Variants in MMAA observed in about 807,000 individuals in gnomAD.
MMAA encodes the protein metabolism of cobalamin associated A, also known as methylmalonic aciduria type A protein, mitochondrial.
Under a neutral mutation model 45.0 loss-of-function variants are expected in MMAA, and 41 were observed. The ratio of observed to expected loss-of-function variants is 0.91; its 90% CI spans 0.71 to 1.18. MMAA has a LOEUF of 1.18. Among genes scored for constraint, MMAA ranks in the 50% most tolerant of loss-of-function variants. The probability of loss-of-function intolerance (pLI) is 0.00; values close to 1 mark genes in which losing one functional copy is unlikely to be tolerated. For synonymous variants in MMAA, 154 were observed against 178.2 expected, an observed-to-expected ratio of 0.86 and a Z score of 1.08; for missense variants, 460 against 495.7, an observed-to-expected ratio of 0.93 and a Z score of 0.68.
At chr4:145,626,855 C>T (rs889706989) in intron 1 of MMAA, among the ~76,000 whole-genome samples, 1 of 152,110 alleles carries the variant, frequency 6.6e-6, no homozygotes. Flanking sequence ...TTCAGATGCT[C>T]CAAAGAGTTG....
Position 145,655,645 on chromosome 4 carries a change from T to C in MMAA, c.*211T>C. On this transcript the variant is annotated 3_prime_UTR_variant, in exon 7 of 7. Coordinates refer to ENST00000649156, the MANE Select transcript of MMAA (RefSeq NM_172250.3). Reference sequence around the variant, plus strand: ...GTACCTGTTTTATGTTACTGATATCTGTTTCCTTCTCTTCTTATACCCTGG... The same window carrying C: ...GTACCTGTTTTATGTTACTGATATCCGTTTCCTTCTCTTCTTATACCCTGG... 2 of 496,748 alleles carry C rather than the reference T, an allele frequency of 4.0e-6. No individual in the cohort carries two copies. Among genetic ancestry groups the C allele is most frequent in the South Asian group, 5.9e-5 (2 of 34,022 alleles). The allele number at this position is 496,748 out of a possible 1,614,324, so 30.8% of individuals were successfully genotyped here. A position where few individuals can be genotyped will look rare whatever the true frequency, so the allele number is the denominator to read the frequency against.
At chr4:145,645,361 T>G (rs1727898607) in intron 3 of MMAA, among the ~76,000 whole-genome samples, 1 of 152,222 alleles carries the variant, frequency 6.6e-6, no homozygotes, top group South Asian at 2.1e-4. Flanking sequence ...GGACTTTTAC[T>G]GATCTTTATA....
rs1728272653 is a variant in MMAA, at chr4:145,657,701, A to G, written c.*2267A>G. 6.6e-6 allele frequency: 1 copy of G among 152,266 alleles called. No individual in the cohort carries two copies. The highest frequency in any genetic ancestry group is 2.1e-4 in the South Asian group (1 of 4,828). The allele number at this position is 152,266 out of a possible 1,614,324, so 9.4% of individuals were successfully genotyped here. On this transcript the variant is annotated 3_prime_UTR_variant, in exon 7 of 7. Coordinates refer to ENST00000649156, the MANE Select transcript of MMAA (RefSeq NM_172250.3). ...TTGTGACAGTTCTTTGTTCTACAAA[A>G]CAGACTAATATTAATTTCAGATTGG...
Position 145,624,876 on chromosome 4 carries a change from G to T in MMAA, c.-66+5469G>T, listed in dbSNP as rs559384847. On this transcript the variant is annotated intron_variant, in intron 1 of 6. Coordinates refer to ENST00000649156, the MANE Select transcript of MMAA (RefSeq NM_172250.3). The stretch of plus-strand genomic sequence containing the variant: ...AAGCCAATCCTCTGTAACCATGCTG[G>T]GGGTGTACAATGGTTTCTTGGCCCC... 49 of 1,607,394 alleles carry T rather than the reference G, an allele frequency of 3.0e-5. 1 individual carries two copies. In the South Asian group the frequency reaches 3.8e-4, roughly 13 times the overall value.
At chr4:145,653,964 G>A (rs1354308455) in intron 5 of MMAA, 30 bp from the exon 6 acceptor site, 1 of 1,612,872 alleles carries the variant, frequency 6.2e-7, no homozygotes, top group South Asian at 1.1e-5. Context: ...TTTTATGTTG[G>A]TTGTCATTAA....
intron 1 of MMAA, chr4:145,625,789 C>T (rs1477521690): frequency 7.6e-6 from 9 of 1,179,936 alleles, no homozygotes; most frequent in Non-Finnish European, 1.0e-5. Flanking sequence ...TGAATTGTCT[C>T]CTCTTTAAGC....
chr4:145,627,078 G>T (rs867712631), intron 1 of MMAA, among the ~76,000 whole-genome samples: 8 of 152,192 alleles, frequency 5.3e-5, no homozygotes, highest in African/African-American at 1.9e-4. Context: ...GATAAAACCT[G>T]CAGTATAAAT....
In MMAA at chr4:145,630,784, C is replaced by T. The variant is rs376239912; in HGVS notation, c.-65-8291C>T. 1.1e-4 allele frequency among the ~76,000 whole-genome samples: 17 copies of T among 152,190 alleles called. No individual in the cohort carries two copies. In the East Asian group the frequency reaches 1.9e-3, roughly 17 times the overall value. ...TTTTTCTTCTTTTTTAATGTAGGCACGTATAGCTATAAACTTCCCTCTTAG... is the reference window on the plus strand; with the variant it reads ...TTTTTCTTCTTTTTTAATGTAGGCATGTATAGCTATAAACTTCCCTCTTAG... On this transcript the variant is annotated intron_variant, in intron 1 of 6. Coordinates refer to ENST00000649156, the MANE Select transcript of MMAA (RefSeq NM_172250.3).
chr4:145,639,672 T>C, intron 2 of MMAA, 94 bp downstream of exon 2: 1 of 1,477,824 alleles, frequency 6.8e-7, no homozygotes, highest in South Asian at 1.4e-5. Context: ...TGCAATCGAA[T>C]GGCGACTTTT....
intron 1 of MMAA, among the ~76,000 whole-genome samples, chr4:145,629,322 G>A (rs1734275059): frequency 6.6e-6 from 1 of 152,076 alleles, no homozygotes; most frequent in South Asian, 2.1e-4. Flanking sequence ...AGTAGAGACA[G>A]GGTTTCACCA....
intron 1 of MMAA, chr4:145,624,042 GAGA>G (rs1325031146): frequency 1.3e-6 from 1 of 771,688 alleles, no homozygotes; most frequent in East Asian, 2.4e-5. Flanking sequence ...AATTAGGCAG[GAGA>G]AGAACTAAGC....
chr4:145,634,963 C>T (rs1727572002), intron 1 of MMAA, among the ~76,000 whole-genome samples: 1 of 151,884 alleles, frequency 6.6e-6, no homozygotes, highest in African/African-American at 2.4e-5. Flanking sequence ...CCTTTCCTTT[C>T]CTCAAGCAGA....
chr4:145,623,795 A>C lies in MMAA; in HGVS notation c.-66+4388A>C, dbSNP rs1734137682. On this transcript the variant is annotated intron_variant, in intron 1 of 6. Transcript: ENST00000649156. ...TACATTAATACACTTCGATTACAGAAATATTTCATTTTTAAAACTTGAGTG... is the reference window on the plus strand; with the variant it reads ...TACATTAATACACTTCGATTACAGACATATTTCATTTTTAAAACTTGAGTG... 2.0e-5 allele frequency among the ~76,000 whole-genome samples: 3 copies of C among 152,192 alleles called. No individual in the cohort carries two copies. The South Asian group carries it at 6.2e-4, about 31-fold the overall frequency.
Position 145,639,498 on chromosome 4 carries a change from A to C in MMAA, c.359A>C (p.Gln120Pro). ...STHSRKKELA[Q>P]VLLQKVLLYH... ...CACAGCAGGAAAAAGGAGTTAGCCC[A>C]GGTGCTTCTTCAGAAAGTATTACTT... The change falls in exon 2 of 7, where the codon CAG becomes CCG. Residue 120 changes from glutamine (Q) to proline (P), a missense_variant. By Grantham distance (76) the Gln-to-Pro change is moderately conservative. Transcript: ENST00000649156. 1.2e-6 allele frequency: 2 copies of C among 1,614,044 alleles called. No homozygotes were observed. The highest frequency in any genetic ancestry group is 1.7e-6 in the Non-Finnish European group (2 of 1,179,964).
chr4:145,641,230 A>G (rs1383108726), intron 2 of MMAA, among the ~76,000 whole-genome samples: 1 of 152,248 alleles, frequency 6.6e-6, no homozygotes, highest in Admixed American at 6.5e-5. Flanking sequence ...CAAAGTGCCT[A>G]CTTACTAAGA....
chr4:145,641,997 G>C (rs1045204819), intron 2 of MMAA, among the ~76,000 whole-genome samples: 4 of 152,170 alleles, frequency 2.6e-5, no homozygotes, highest in African/African-American at 9.7e-5. Context: ...ACTGAGGTAG[G>C]TAGAATAATT....
At chr4:145,629,880 G>A (rs186105467) in intron 1 of MMAA, among the ~76,000 whole-genome samples, 3 of 152,228 alleles carry the variant, frequency 2.0e-5, no homozygotes, top group Admixed American at 1.3e-4. Context: ...TTCCCACTGG[G>A]TGCCTCCCAT....
intron 1 of MMAA, among the ~76,000 whole-genome samples, chr4:145,636,202 G>C (rs1356424001): frequency 6.6e-6 from 1 of 152,134 alleles, no homozygotes; most frequent in African/African-American, 2.4e-5. Context: ...AGTGTGCCAG[G>C]CTCCATGTCA....
intron 5 of MMAA, among the ~76,000 whole-genome samples, chr4:145,653,030 C>T (rs190239274): frequency 2.0e-5 from 3 of 152,088 alleles, no homozygotes; most frequent in Admixed American, 6.5e-5. Flanking sequence ...CAACCACTCT[C>T]GGCTAATTTT....
Sources: allele counts gnomAD v4.1 joint callset (sites outside exome capture counted in the v4.1 genomes callset), GRCh38; gene constraint gnomAD v4.1.1; transcripts MANE v1.5; gene names NCBI Gene and HGNC (gene_info 2026-07-23, HGNC 2026-07-21).